ADAP2: variants seen among roughly 807,000 people sequenced by gnomAD.
The protein encoded by ADAP2 is arf-GAP with dual PH domain-containing protein 2.
Under a neutral mutation model 54.9 loss-of-function variants are expected in ADAP2, and 42 were observed. The ratio of observed to expected loss-of-function variants is 0.77; its 90% CI spans 0.60 to 0.99. The LOEUF (loss-of-function observed/expected upper bound fraction) is 0.99. ADAP2 is among the 50% of genes least tolerant of loss of function. ADAP2 has a pLI of 0.00. For synonymous variants in ADAP2, 177 were observed against 180.1 expected (o/e 0.98, Z 0.14); for missense variants, 429 against 480.4 (o/e 0.89, Z 1.00).
intron 6 of ADAP2, among the ~76,000 whole-genome samples, chr17:30,946,822 A>C (rs932746132): frequency 2.6e-5 from 4 of 152,154 alleles, no homozygotes; most frequent in Admixed American, 1.3e-4. Context: ...TTTACCTGCC[A>C]TGTGCCTCTG....
intron 2 of ADAP2, among the ~76,000 whole-genome samples, chr17:30,925,504 C>T (rs1425408150): frequency 6.6e-6 from 1 of 151,348 alleles, no homozygotes; most frequent in African/African-American, 2.4e-5. Context: ...TGTTATATTT[C>T]CTTCTTCTTC....
At chr17:30,953,828 T>G (rs549429525) in intron 8 of ADAP2, among the ~76,000 whole-genome samples, 1 of 152,142 alleles carries the variant, frequency 6.6e-6, no homozygotes, top group East Asian at 1.9e-4. Flanking sequence ...TGAGCCACCA[T>G]GCCCAGCCAA....
chr17:30,924,859 C>CTTT (rs199816533), intron 2 of ADAP2, among the ~76,000 whole-genome samples: 3 of 149,228 alleles, frequency 2.0e-5, no homozygotes, highest in African/African-American at 7.6e-5. Context: ...GTTATATTTT[C>CTTT]TTTTTTGTTT....
chr17:30,931,241 C>T (rs113277436), intron 3 of ADAP2, among the ~76,000 whole-genome samples: 197 of 152,198 alleles, frequency 1.3e-3, no homozygotes, highest in African/African-American at 4.6e-3. Flanking sequence ...TGGAACAACT[C>T]GGTGGTTCTC....
intron 2 of ADAP2, among the ~76,000 whole-genome samples, chr17:30,925,362 T>G (rs1242956364): frequency 6.7e-6 from 1 of 150,292 alleles, no homozygotes; most frequent in Non-Finnish European, 1.5e-5. Context: ...GCTAATTTTT[T>G]GTATTTTTAG....
intron 5 of ADAP2, among the ~76,000 whole-genome samples, chr17:30,939,285 A>G (rs1912090983): frequency 6.6e-6 from 1 of 152,188 alleles, no homozygotes; most frequent in Non-Finnish European, 1.5e-5. Flanking sequence ...AGTTCAGTCT[A>G]GAATAGTCCA....
chr17:30,932,119 G>T, intron 4 of ADAP2, 151 bp downstream of exon 4: 2 of 637,920 alleles, frequency 3.1e-6, no homozygotes. Flanking sequence ...TTCTGACTTT[G>T]AAATAACAAC....
At chr17:30,944,289 AAATG>A (rs1344040495) in intron 5 of ADAP2, among the ~76,000 whole-genome samples, 4 of 152,132 alleles carry the variant, frequency 2.6e-5, no homozygotes, top group African/African-American at 9.7e-5. Context: ...ACAGAAAACC[AAATG>A]TTCTAACATA....
intron 5 of ADAP2, among the ~76,000 whole-genome samples, chr17:30,938,458 G>A (rs971353549): frequency 2.0e-5 from 3 of 152,214 alleles, no homozygotes; most frequent in African/African-American, 7.2e-5. Context: ...GATTCAAGGG[G>A]AGGGGAAATA....
At chr17:30,950,013 A>G (rs1904509683) in intron 7 of ADAP2, among the ~76,000 whole-genome samples, 1 of 152,184 alleles carries the variant, frequency 6.6e-6, no homozygotes, top group Non-Finnish European at 1.5e-5. Flanking sequence ...TCCCTAACAT[A>G]CTGCTTACAG....
rs1911096149 is a variant in ADAP2 at position 30,926,905 on chromosome 17, G to A, written c.304G>A (p.Ala102Thr). Residue 102 changes from alanine (A) to threonine (T), a missense_variant, in exon 3 of 11, where the codon GCC becomes ACC. Ala to Thr is a moderately conservative substitution (Grantham distance 58, BLOSUM62 0). Coordinates refer to ENST00000330889, the MANE Select transcript of ADAP2 (RefSeq NM_018404.3). ...CCCAGCTTTCTACTACATCCCCCAG[G>A]CCAACGACTGCCTGTGAGTGGGTGA... ...RVPAFYYIPQ[A>T]NDCLVLKEQW... The A allele has an allele frequency of 6.2e-7, 1 of 1,613,834 alleles. No individual in the cohort carries two copies. Among genetic ancestry groups the A allele is most frequent in the Non-Finnish European group, 8.5e-7 (1 of 1,179,734 alleles).
At chr17:30,951,657 T>C (rs1486141001) in intron 7 of ADAP2, among the ~76,000 whole-genome samples, 1 of 101,976 alleles carries the variant, frequency 9.8e-6, no homozygotes, top group Non-Finnish European at 1.6e-5. Flanking sequence ...TTCTTTTCTT[T>C]TTTTTTTTTT....
chr17:30,949,374 A>G lies in ADAP2; in HGVS notation c.741+4A>G. ...TCCTGAACTCCCAGAGTCTGAGGTG[A>G]GCTAAATGCGGACCCCAATTTCTGA... is the stretch of plus-strand genomic sequence containing the variant. On this transcript the variant is annotated splice_donor_region_variant and intron_variant, in intron 7 of 10. Coordinates refer to ENST00000330889, the MANE Select transcript of ADAP2 (RefSeq NM_018404.3). 6.2e-7 allele frequency: 1 copy of G among 1,613,506 alleles called. No individual in the cohort carries two copies. Among genetic ancestry groups the G allele is most frequent in the Non-Finnish European group, 8.5e-7 (1 of 1,179,474 alleles).
chr17:30,949,639 C>T (rs1904459790), intron 7 of ADAP2, among the ~76,000 whole-genome samples: 2 of 150,502 alleles, frequency 1.3e-5, no homozygotes, highest in Admixed American at 1.3e-4. Flanking sequence ...GTCCCAGCTA[C>T]TTGGGAGGCT....
chr17:30,924,418 G>A (rs1174278349), intron 2 of ADAP2, among the ~76,000 whole-genome samples: 1 of 151,998 alleles, frequency 6.6e-6, no homozygotes, highest in African/African-American at 2.4e-5. Context: ...TCTTGGACTG[G>A]GGGAAGGGAA....
intron 5 of ADAP2, among the ~76,000 whole-genome samples, chr17:30,936,533 G>A (rs1222516746): frequency 6.6e-6 from 1 of 152,078 alleles, no homozygotes; most frequent in Non-Finnish European, 1.5e-5. Context: ...TTTGATTGGC[G>A]TTTCCCACAT....
At chr17:30,939,743 C>T (rs1912131415) in intron 5 of ADAP2, among the ~76,000 whole-genome samples, 1 of 149,090 alleles carries the variant, frequency 6.7e-6, no homozygotes, top group Non-Finnish European at 1.5e-5. Flanking sequence ...TGCACTCCAG[C>T]CTGGGCGAAA....
At chr17:30,956,569 G>T in intron 10 of ADAP2, 100 bp downstream of exon 10, 1 of 1,052,702 alleles carries the variant, frequency 9.5e-7, no homozygotes, top group Non-Finnish European at 1.4e-6. Flanking sequence ...AAAGATTCCT[G>T]ATTCCTGACT....
chr17:30,922,279 A>T (rs1209945931), intron 1 of ADAP2, among the ~76,000 whole-genome samples, 171 bp downstream of exon 1: 1 of 130,616 alleles, frequency 7.7e-6, no homozygotes, highest in Non-Finnish European at 1.6e-5. Flanking sequence ...CCGAGCCCCG[A>T]GGGCCGTCTC....
Sources: allele counts gnomAD v4.1 joint callset (sites outside exome capture counted in the v4.1 genomes callset), GRCh38; gene constraint gnomAD v4.1.1; transcripts MANE v1.5; gene names NCBI Gene and HGNC (gene_info 2026-07-23, HGNC 2026-07-21).